The following CCDC187 variants were observed in gnomAD, a reference collection of about 807,000 sequenced individuals.
CCDC187 encodes the protein coiled-coil domain containing 187, also known as coiled-coil domain-containing protein 187.
CCDC187 carries 32 observed loss-of-function variants against 38.0 expected under a neutral mutation model. That is an observed-to-expected ratio of 0.84 (90% CI 0.64 to 1.13). The LOEUF (loss-of-function observed/expected upper bound fraction) is 1.13, where lower values mean the gene tolerates loss of function less well. CCDC187 is among the 50% of genes most tolerant of loss of function. The probability of loss-of-function intolerance (pLI) is 0.00; values close to 1 mark genes in which losing one functional copy is unlikely to be tolerated. For synonymous variants in CCDC187, 333 were observed against 347.9 expected (o/e 0.96, Z 0.48); for missense variants, 707 against 786.8 (o/e 0.90, Z 1.21).
chr9:136,259,393 CG>C lies in CCDC187; in HGVS notation c.4265del (p.Pro1422ArgfsTer29), dbSNP rs1385158354. On this transcript the variant is annotated frameshift_variant, in exon 21 of 26. Coordinates refer to ENST00000638797, the MANE Select transcript of CCDC187 (RefSeq NM_001378188.1). LOFTEE classifies it high-confidence loss of function. ...PLLGLQHVSPPDGQRLGPAFP... is the reference protein window; with the variant it reads ...PLLGLQHVSPXDGQRLGPAFP... Reference sequence around the variant, plus strand: ...AGGCTGGGCCCAGCCGCTGTCCGTCCGGGGGGCTCACGTGCTGCAGGCCCAG... The same window carrying C: ...AGGCTGGGCCCAGCCGCTGTCCGTCCGGGGGCTCACGTGCTGCAGGCCCAG... The C allele has an allele frequency of 5.1e-6, 5 of 984,804 alleles. No homozygotes were observed. The African/African-American group carries it at 5.3e-5, about 10-fold the overall frequency. 61.0% of individuals were successfully genotyped at this position (984,804 alleles called of 1,614,324 possible). A position where few individuals can be genotyped will look rare whatever the true frequency, so the allele number is the denominator to read the frequency against.
intron 4 of CCDC187, among the ~76,000 whole-genome samples, chr9:136,292,673 C>A (rs1486159083): frequency 1.3e-5 from 2 of 152,356 alleles, no homozygotes; most frequent in East Asian, 3.9e-4. Flanking sequence ...GCAGCAGCAG[C>A]TGGAGTGACA....
At position 136,290,938 on chromosome 9, in the gene CCDC187, G is replaced by A. The variant is rs1011679813; in HGVS notation, c.1675C>T (p.Arg559Trp). Reference protein sequence around the residue: ...ETWEDPGPRLRNPLERPSPPA... With the variant: ...ETWEDPGPRLWNPLERPSPPA... ...GGACTGGGCCTTTCCAGAGGGTTCC[G>A]CAGTCTGGGGCCAGGGTCCTCCCAG... Residue 559 changes from arginine to tryptophan, a missense_variant, in exon 6 of 26, where the codon CGG becomes TGG. Arg to Trp is a moderately radical substitution (Grantham distance 101). Transcript: ENST00000638797. The A allele has an allele frequency of 2.4e-4, 96 of 398,568 alleles. No individual in the cohort carries two copies. The highest frequency in any genetic ancestry group is 8.4e-4 in the African/African-American group (41 of 48,620). The allele number at this position is 398,568 out of a possible 1,614,324, so 24.7% of individuals were successfully genotyped here.
intron 3 of CCDC187, among the ~76,000 whole-genome samples, chr9:136,299,204 G>T (rs1272596607): frequency 2.0e-5 from 3 of 152,188 alleles, no homozygotes; most frequent in African/African-American, 7.2e-5. Flanking sequence ...GCAACTGTGG[G>T]GTCAGGGAGA....
At chr9:136,287,635 C>G (rs1831212723) in intron 7 of CCDC187, among the ~76,000 whole-genome samples, 1 of 152,184 alleles carries the variant, frequency 6.6e-6, no homozygotes, top group African/African-American at 2.4e-5. Flanking sequence ...CCTGGCAATA[C>G]TCATTGTCTC....
At chr9:136,277,313 CGGGGTGGGTGGGTGCTGAT>C (rs1161913947) in intron 10 of CCDC187, among the ~76,000 whole-genome samples, 58 of 9,574 alleles carry the variant, frequency 6.1e-3, no homozygotes, top group African/African-American at 0.022. Flanking sequence ...TGGGTGTGAA[CGGGGTGGGTGGGTGCTGAT>C]GGGGTGGGTG....
At chr9:136,306,492 G>C (rs926496247), upstream of CCDC187, among the ~76,000 whole-genome samples, 2 of 152,172 alleles carry the variant, frequency 1.3e-5, no homozygotes, top group African/African-American at 4.8e-5. Flanking sequence ...CTGGAAGAGC[G>C]TTCCAGGGCC....
In CCDC187 at chr9:136,268,068, G is replaced by A. The variant is rs1830780587; in HGVS notation, c.3500C>T (p.Pro1167Leu). ...SQLPLAKFFP[P>L]DNPTHQMLER... ...ACGTACCTGGTGGGTGGGGTTGTCC[G>A]GAGGGAAGAACTTGGCCAGGGGAAG... The change falls in exon 15 of 26, where the codon CCG becomes CTG. Residue 1167 changes from proline to leucine, a missense_variant. By Grantham distance (98) the Pro-to-Leu change is moderately conservative (BLOSUM62 -3). Transcript: ENST00000638797. 4.1e-6 allele frequency: 4 copies of A among 985,542 alleles called. No individual in the cohort carries two copies. Among genetic ancestry groups the A allele is most frequent in the Non-Finnish European group, 4.8e-6 (4 of 830,002 alleles). 61.0% of individuals were successfully genotyped at this position (985,542 alleles called of 1,614,324 possible). A position where few individuals can be genotyped will look rare whatever the true frequency, so the allele number is the denominator to read the frequency against.
In CCDC187 at chr9:136,255,005, T is replaced by G; in HGVS notation, c.4823A>C (p.Glu1608Ala). Residue 1608 changes from glutamate to alanine, a missense_variant, in exon 26 of 26, where the codon GAA (glutamate) becomes GCA (alanine). Physicochemically the swap from Glu to Ala is moderately radical, Grantham distance 107 (BLOSUM62 -1). Coordinates refer to ENST00000638797, the MANE Select transcript of CCDC187 (RefSeq NM_001378188.1). Reference protein sequence around the residue: ...ASGTCWGPSEEATVSSHTSPA... With the variant: ...ASGTCWGPSEAATVSSHTSPA... The stretch of plus-strand genomic sequence containing the variant: ...GGAGGTGTGGGATGACACCGTGGCT[T>G]CTTCCGAAGGCCCCCAGCAGGTTCC... The G allele has an allele frequency of 1.0e-6, 1 of 985,466 alleles. No homozygotes were observed. Among genetic ancestry groups the G allele is most frequent in the Non-Finnish European group, 1.2e-6 (1 of 829,968 alleles). 61.0% of individuals were successfully genotyped at this position (985,466 alleles called of 1,614,324 possible).
intron 2 of CCDC187, among the ~76,000 whole-genome samples, chr9:136,301,805 G>C (rs1831691737): frequency 6.6e-6 from 1 of 151,918 alleles, no homozygotes; most frequent in East Asian, 1.9e-4. Context: ...AGCCAGGATA[G>C]TCTCGATCTC....
chr9:136,265,971 T>A lies in CCDC187; in HGVS notation c.3720A>T (p.Arg1240Ser). ...CTGGCCCCACCTGCTCCTTCTCCAATCTGCTGAGGGCTTGCTGCTGCTTCT... is the reference window on the plus strand; with the variant it reads ...CTGGCCCCACCTGCTCCTTCTCCAAACTGCTGAGGGCTTGCTGCTGCTTCT... ...LVEKQQQALS[R>S]LEKEQREIQY... Residue 1240 changes from arginine (R) to serine (S), a missense_variant, in exon 17 of 26, where the codon AGA becomes AGT. Physicochemically the swap from Arg to Ser is moderately radical, Grantham distance 110. Coordinates refer to ENST00000638797, the MANE Select transcript of CCDC187 (RefSeq NM_001378188.1). 1 of 985,502 alleles carries A rather than the reference T, an allele frequency of 1.0e-6. No homozygotes were observed. Among genetic ancestry groups the A allele is most frequent in the Non-Finnish European group, 1.2e-6 (1 of 829,970 alleles). 61.0% of individuals were successfully genotyped at this position (985,502 alleles called of 1,614,324 possible).
At chr9:136,302,517 A>G (rs922497827) in intron 2 of CCDC187, among the ~76,000 whole-genome samples, 4 of 152,174 alleles carry the variant, frequency 2.6e-5, no homozygotes, top group Admixed American at 1.3e-4. Context: ...GGACAAAGGC[A>G]CAGACTCTAG....
chr9:136,255,370 G>A (rs368191136), intron 25 of CCDC187, among the ~76,000 whole-genome samples: 6 of 151,512 alleles, frequency 4.0e-5, no homozygotes, highest in Admixed American at 3.3e-4. Context: ...TCGGGCACCC[G>A]GCCTCATAGC....
chr9:136,293,457 A>ACACATG (rs1189603972), intron 4 of CCDC187, among the ~76,000 whole-genome samples: 160 of 38,622 alleles, frequency 4.1e-3, no homozygotes, highest in African/African-American at 0.01. Context: ...ACATGCTCAC[A>ACACATG]CTCACACTCA....
At chr9:136,295,085 G>C (rs1465116037) in intron 4 of CCDC187, among the ~76,000 whole-genome samples, 1 of 152,252 alleles carries the variant, frequency 6.6e-6, no homozygotes, top group African/African-American at 2.4e-5. Context: ...GCCTGGAAGA[G>C]GGTCAGGATT....
intron 10 of CCDC187, among the ~76,000 whole-genome samples, chr9:136,279,912 C>T (rs1192636173): frequency 1.3e-5 from 2 of 152,120 alleles, no homozygotes; most frequent in African/African-American, 4.8e-5. Context: ...CCCACCCCGT[C>T]GTCCTCTCTC....
intron 9 of CCDC187, among the ~76,000 whole-genome samples, chr9:136,282,438 CAG>C (rs1831067456): frequency 6.6e-6 from 1 of 152,160 alleles, no homozygotes. Context: ...TTGGGGTGCA[CAG>C]AGAGACGGGT....
chr9:136,284,841 G>C (rs899645402), intron 9 of CCDC187, among the ~76,000 whole-genome samples: 7 of 152,220 alleles, frequency 4.6e-5, no homozygotes, highest in South Asian at 2.1e-4. Flanking sequence ...CGGCCGCCTC[G>C]TGCACTGCAA....
Position 136,253,957 on chromosome 9 carries a change from C to T in CCDC187, c.5871G>A (p.Glu1957=), listed in dbSNP as rs1830581056. Residue 1957 remains glutamate (E), a synonymous_variant, in exon 26 of 26, where the codon GAG becomes GAA. Transcript: ENST00000638797. ...DPGRLAPPVA[E]SRAPGPGGNG... ...TCCCACCAGGCCCAGGCGCCCGGCT[C>T]TCAGCTACTGGAGGTGCCAGCCTGC... is the stretch of plus-strand genomic sequence containing the variant. The T allele has an allele frequency of 1.0e-6, 1 of 985,548 alleles. No homozygotes were observed. Among genetic ancestry groups the T allele is most frequent in the African/African-American group, 1.7e-5 (1 of 57,340 alleles). 61.1% of individuals were successfully genotyped at this position (985,548 alleles called of 1,614,324 possible). A position where few individuals can be genotyped will look rare whatever the true frequency, so the allele number is the denominator to read the frequency against.
chr9:136,283,344 T>C (rs1831091708), intron 9 of CCDC187, among the ~76,000 whole-genome samples: 1 of 152,226 alleles, frequency 6.6e-6, no homozygotes, highest in Admixed American at 6.5e-5. Flanking sequence ...ACGCACCAGA[T>C]GGCAGCAGGT....
Sources: gnomAD v4.1 joint callset for allele counts (sites outside exome capture counted in the v4.1 genomes callset) on GRCh38, gnomAD v4.1.1 for gene constraint, MANE v1.5 for transcripts, NCBI Gene and HGNC (gene_info 2026-07-23, HGNC 2026-07-21) for gene names.